The following MTMR14 variants were observed in gnomAD, a reference collection of about 807,000 sequenced individuals.
MTMR14 encodes phosphatidylinositol-3,5-bisphosphate 3-phosphatase MTMR14.
A neutral mutation model predicts 86.3 loss-of-function variants in MTMR14; 48 were observed. The observed-to-expected ratio is 0.56, with a 90% CI of 0.44 to 0.71. The LOEUF is 0.71. MTMR14 is among the 30% of genes least tolerant of loss of function. MTMR14 has a pLI of 0.00. For synonymous variants in MTMR14, 366 were observed against 326.1 expected, an observed-to-expected ratio of 1.12 and a Z score of -1.32; for missense variants, 780 against 834.6, an observed-to-expected ratio of 0.93 and a Z score of 0.81.
At chr3:9,669,072 G>A (rs992197060) in intron 4 of MTMR14, among the ~76,000 whole-genome samples, 1 of 151,802 alleles carries the variant, frequency 6.6e-6, no homozygotes, top group Non-Finnish European at 1.5e-5. Flanking sequence ...CCCGGGAGAT[G>A]GAGGTTGCAG....
chr3:9,678,814 C>T (rs1296218249), intron 9 of MTMR14, among the ~76,000 whole-genome samples: 1 of 152,228 alleles, frequency 6.6e-6, no homozygotes, highest in Non-Finnish European at 1.5e-5. Context: ...GAATTTTCCA[C>T]TGAGCTGTAG....
At chr3:9,651,555 A>G (rs1037226498) in intron 1 of MTMR14, among the ~76,000 whole-genome samples, 4 of 152,322 alleles carry the variant, frequency 2.6e-5, no homozygotes, top group South Asian at 4.1e-4. Flanking sequence ...ATCTCCTGCA[A>G]ACTTAGATGT....
intron 17 of MTMR14, among the ~76,000 whole-genome samples, chr3:9,693,206 A>C (rs754929410): frequency 3.3e-5 from 5 of 152,250 alleles, no homozygotes; most frequent in Admixed American, 6.5e-5. Context: ...TCAGCCAACC[A>C]GATTGAAAAC....
chr3:9,674,012 A>G (rs1440127888), intron 7 of MTMR14, among the ~76,000 whole-genome samples: 1 of 152,122 alleles, frequency 6.6e-6, no homozygotes, highest in Non-Finnish European at 1.5e-5. Flanking sequence ...ACCCACACTG[A>G]TGGGTGTATC....
intron 1 of MTMR14, among the ~76,000 whole-genome samples, chr3:9,652,362 G>T (rs1225352143): frequency 6.6e-6 from 1 of 152,176 alleles, no homozygotes; most frequent in Non-Finnish European, 1.5e-5. Flanking sequence ...AGGGGGAGCT[G>T]TTTCTTCTAT....
At chr3:9,685,626 C>T (rs2075917607) in intron 13 of MTMR14, among the ~76,000 whole-genome samples, 1 of 152,168 alleles carries the variant, frequency 6.6e-6, no homozygotes, top group African/African-American at 2.4e-5. Flanking sequence ...CACTTCTCTT[C>T]CCCACCCTCC....
At chr3:9,662,954 A>G (rs2048025132) in intron 3 of MTMR14, among the ~76,000 whole-genome samples, 1 of 152,110 alleles carries the variant, frequency 6.6e-6, no homozygotes, top group African/African-American at 2.4e-5. Flanking sequence ...TGCCCATTTC[A>G]TTGCAGATGA....
At chr3:9,674,551 G>A (rs1189591966) in intron 7 of MTMR14, among the ~76,000 whole-genome samples, 1 of 152,202 alleles carries the variant, frequency 6.6e-6, no homozygotes, top group East Asian at 1.9e-4. Context: ...ACTTTGGGAG[G>A]CCTAGGCAGT....
rs891679279 is a variant in MTMR14 at position 9,701,598 on chromosome 3, G to A, written c.1770-192G>A. 1.5e-6 allele frequency: 1 copy of A among 685,190 alleles called. No homozygotes were observed. The highest frequency in any genetic ancestry group is 1.8e-5 in the African/African-American group (1 of 56,652). 42.4% of individuals were successfully genotyped at this position (685,190 alleles called of 1,614,324 possible). On this transcript the variant is annotated intron_variant, in intron 18 of 18. Coordinates refer to ENST00000296003, the MANE Select transcript of MTMR14 (RefSeq NM_001077525.3). The surrounding 1 kb of genome is among the most constrained non-coding windows in gnomAD (Gnocchi z 4.2). ...GGGAACAGTAGCCTGAGGGCTTAGA[G>A]GAATGGTTTAAGGGAAAACAGGGCC...
chr3:9,663,793 G>A (rs1030157628), intron 3 of MTMR14, among the ~76,000 whole-genome samples: 6 of 150,940 alleles, frequency 4.0e-5, no homozygotes, highest in South Asian at 2.1e-4. Context: ...GATTACAGGC[G>A]TGAGCCACCG....
Position 9,669,427 on chromosome 3 carries a change from G to C in MTMR14, c.494-5G>C, listed in dbSNP as rs938396550. The C allele has an allele frequency of 6.2e-7, 1 of 1,613,892 alleles. No homozygotes were observed. On this transcript the variant is annotated splice_polypyrimidine_tract_variant and splice_region_variant and intron_variant, in intron 4 of 18. Transcript: ENST00000296003. ...TCAGTACTGACAGATAGGTTTCTCTGGCAGGGGGTGCAGATGATGCCTGGG... is the reference window on the plus strand; with the variant it reads ...TCAGTACTGACAGATAGGTTTCTCTCGCAGGGGGTGCAGATGATGCCTGGG...
intron 17 of MTMR14, among the ~76,000 whole-genome samples, chr3:9,691,182 G>A (rs1485451076): frequency 6.6e-6 from 1 of 152,244 alleles, no homozygotes; most frequent in Non-Finnish European, 1.5e-5. Context: ...GGGGCCCCAT[G>A]TGCTCACCCC....
rs532441039 is a variant in MTMR14, at chr3:9,673,915, C to G, written c.751+1157C>G. Among the ~76,000 whole-genome samples, 138 of 152,020 alleles carry G rather than the reference C, an allele frequency of 9.1e-4. 1 individual carries two copies. The highest frequency in any genetic ancestry group is 3.8e-4 in the Non-Finnish European group (26 of 68,038). On this transcript the variant is annotated intron_variant, in intron 7 of 18. Transcript: ENST00000296003. Reference sequence around the variant, plus strand: ...CCCTAAAAGCAAGTTTGCGCTGATGCAGATGATGATGATGGTGGTGATGAT... The same window carrying G: ...CCCTAAAAGCAAGTTTGCGCTGATGGAGATGATGATGATGGTGGTGATGAT...
Position 9,677,944 on chromosome 3 carries a change from G to A in MTMR14, c.823-40G>A. ...TTCCCCATCACCTAAGCCTCCTCTGGTGGCCAACCCACATCTCACAGGAGT... is the reference window on the plus strand; with the variant it reads ...TTCCCCATCACCTAAGCCTCCTCTGATGGCCAACCCACATCTCACAGGAGT... On this transcript the variant is annotated intron_variant, in intron 8 of 18. Coordinates refer to ENST00000296003, the MANE Select transcript of MTMR14 (RefSeq NM_001077525.3). This position sits in a 1 kb window ranked among gnomAD's most constrained non-coding sequence, Gnocchi z 4.2. 1 of 1,603,790 alleles carries A rather than the reference G, an allele frequency of 6.2e-7. No homozygotes were observed. The highest frequency in any genetic ancestry group is 8.5e-7 in the Non-Finnish European group (1 of 1,171,484).
In MTMR14 at chr3:9,662,366, C is replaced by T; in HGVS notation, c.408C>T (p.Phe136=). The T allele has an allele frequency of 6.2e-7, 1 of 1,613,310 alleles. No individual in the cohort carries two copies. Among genetic ancestry groups the T allele is most frequent in the Non-Finnish European group, 8.5e-7 (1 of 1,179,604 alleles). Reference sequence around the variant, plus strand: ...GGTTTGTCTGCCCAGTAATCCTGTTCAAGGGCAAGGTAAGGCCCATACCAT... The same window carrying T: ...GGTTTGTCTGCCCAGTAATCCTGTTTAAGGGCAAGGTAAGGCCCATACCAT... ...RGRFVCPVIL[F]KGKHICRSAT... The change falls in exon 3 of 19, where the codon TTC becomes TTT. Residue 136 remains phenylalanine (F), a synonymous_variant. Coordinates refer to ENST00000296003, the MANE Select transcript of MTMR14 (RefSeq NM_001077525.3).
chr3:9,675,602 T>C (rs1285178046), intron 7 of MTMR14: 5 of 457,274 alleles, frequency 1.1e-5, no homozygotes, highest in Non-Finnish European at 2.2e-5. Context: ...CCTCCTTGAG[T>C]GAATGGCACT....
intron 13 of MTMR14, among the ~76,000 whole-genome samples, chr3:9,685,961 A>G (rs2075933842): frequency 6.6e-6 from 1 of 152,060 alleles, no homozygotes; most frequent in African/African-American, 2.4e-5. Context: ...CAAGCGTGAG[A>G]GAATGAGTCC....
chr3:9,678,355 G>T (rs550443222), intron 9 of MTMR14, among the ~76,000 whole-genome samples: 24 of 152,170 alleles, frequency 1.6e-4, no homozygotes, highest in Admixed American at 3.9e-4. Context: ...TCCAGATCTG[G>T]GCTTTAGTTA....
rs563261827 is a variant in MTMR14, at chr3:9,689,934, C to T, written c.1434-30C>T. The stretch of plus-strand genomic sequence containing the variant: ...AGAGGGCTTTGCCTGCAGTGGCCCC[C>T]GGCTCACAGCCCTGCTCCTTCCACT... On this transcript the variant is annotated intron_variant, in intron 16 of 18. Transcript: ENST00000296003. The T allele has an allele frequency of 1.2e-4, 191 of 1,594,464 alleles. 1 individual carries two copies. The highest frequency in any genetic ancestry group is 1.5e-4 in the African/African-American group (11 of 74,702).
Sources: allele counts gnomAD v4.1 joint callset (sites outside exome capture counted in the v4.1 genomes callset), GRCh38; gene constraint gnomAD v4.1.1; non-coding constraint Gnocchi (gnomAD v3.1); transcripts MANE v1.5; gene names NCBI Gene and HGNC (gene_info 2026-07-23, HGNC 2026-07-21).